ST6GALNAC3: variants seen among roughly 807,000 people sequenced by gnomAD.
ST6GALNAC3 encodes the protein alpha-N-acetylgalactosaminide alpha-2,6-sialyltransferase 3.
ST6GALNAC3 carries 25 observed loss-of-function variants against 32.7 expected under a neutral mutation model. That is an observed-to-expected ratio of 0.76 (90% CI 0.56 to 1.07). The LOEUF (loss-of-function observed/expected upper bound fraction) is 1.07. ST6GALNAC3 is among the 50% of genes least tolerant of loss of function. The pLI is 0.00. For synonymous variants in ST6GALNAC3, 129 were observed against 133.1 expected (o/e 0.97, Z 0.21); for missense variants, 355 against 382.4 (o/e 0.93, Z 0.60).
intron 2 of ST6GALNAC3, among the ~76,000 whole-genome samples, chr1:76,349,673 G>A (rs1309722897): frequency 1.3e-5 from 2 of 152,080 alleles, no homozygotes; most frequent in African/African-American, 4.8e-5. Flanking sequence ...ACTATTCTTT[G>A]ATTTATCAAC....
At chr1:76,483,650 A>G (rs1041607783) in intron 3 of ST6GALNAC3, among the ~76,000 whole-genome samples, 11 of 151,800 alleles carry the variant, frequency 7.2e-5, no homozygotes, top group Non-Finnish European at 1.6e-4. Flanking sequence ...GATTGCAAAA[A>G]TTTTCTTCCA....
intron 1 of ST6GALNAC3, among the ~76,000 whole-genome samples, chr1:76,144,639 C>G (rs973264313): frequency 6.6e-6 from 1 of 152,232 alleles, no homozygotes; most frequent in Non-Finnish European, 1.5e-5. Flanking sequence ...ATGCTAGCTT[C>G]TAATGCACTC....
chr1:76,590,164 C>T (rs564626673), intron 3 of ST6GALNAC3, among the ~76,000 whole-genome samples: 1 of 152,308 alleles, frequency 6.6e-6, no homozygotes, highest in Admixed American at 6.5e-5. Flanking sequence ...AACTGGGATC[C>T]ATAGATCTCT....
chr1:76,563,664 T>G (rs1030723032), intron 3 of ST6GALNAC3, among the ~76,000 whole-genome samples: 3 of 152,214 alleles, frequency 2.0e-5, no homozygotes, highest in Admixed American at 2.0e-4. Flanking sequence ...TTCACATATA[T>G]TGTCTTAATT....
At chr1:76,180,770 C>A (rs574146652) in intron 1 of ST6GALNAC3, among the ~76,000 whole-genome samples, 18 of 152,276 alleles carry the variant, frequency 1.2e-4, no homozygotes, top group African/African-American at 4.3e-4. Context: ...GGAAGATCAT[C>A]TTCCCATTCC....
At chr1:76,094,114 C>T (rs1205326061) in intron 1 of ST6GALNAC3, among the ~76,000 whole-genome samples, 1 of 152,102 alleles carries the variant, frequency 6.6e-6, no homozygotes, top group Non-Finnish European at 1.5e-5. Context: ...AGGCATCTGC[C>T]ACAGGAACAC....
intron 3 of ST6GALNAC3, among the ~76,000 whole-genome samples, chr1:76,511,039 G>A (rs1476745186): frequency 6.6e-6 from 1 of 152,026 alleles, no homozygotes; most frequent in African/African-American, 2.4e-5. Flanking sequence ...TGGTAAATTG[G>A]CTTCCCAGAT....
intron 2 of ST6GALNAC3, among the ~76,000 whole-genome samples, chr1:76,321,355 C>G (rs534072570): frequency 6.6e-6 from 1 of 152,256 alleles, no homozygotes; most frequent in East Asian, 1.9e-4. Context: ...AATGTGAAGA[C>G]CCAGACAACA....
intron 2 of ST6GALNAC3, among the ~76,000 whole-genome samples, chr1:76,404,972 CTTG>C (rs1653714019): frequency 6.6e-6 from 1 of 152,018 alleles, no homozygotes; most frequent in Non-Finnish European, 1.5e-5. Flanking sequence ...CTTGTTTTTA[CTTG>C]AGATAAGCAA....
intron 1 of ST6GALNAC3, among the ~76,000 whole-genome samples, chr1:76,259,139 G>A (rs188346281): frequency 6.6e-6 from 1 of 152,192 alleles, no homozygotes; most frequent in East Asian, 1.9e-4. Flanking sequence ...AAATGGTCAT[G>A]GTTTCTTTTA....
At chr1:76,430,746 T>C (rs1557880050) in intron 3 of ST6GALNAC3, among the ~76,000 whole-genome samples, 1 of 152,184 alleles carries the variant, frequency 6.6e-6, no homozygotes, top group Non-Finnish European at 1.5e-5. Flanking sequence ...TGGAAGCCCC[T>C]CAAGGCTGTT....
intron 3 of ST6GALNAC3, among the ~76,000 whole-genome samples, chr1:76,428,501 T>C (rs956182459): frequency 3.3e-5 from 5 of 152,092 alleles, no homozygotes; most frequent in Admixed American, 6.6e-5. Context: ...ATGAGCCTAC[T>C]TCATGGTTGT....
At chr1:76,528,568 G>A (rs1206004995) in intron 3 of ST6GALNAC3, among the ~76,000 whole-genome samples, 1 of 151,954 alleles carries the variant, frequency 6.6e-6, no homozygotes, top group Non-Finnish European at 1.5e-5. Context: ...TATGATTTTT[G>A]TGTCATTCTA....
chr1:76,556,033 G>A (rs369153918), intron 3 of ST6GALNAC3, among the ~76,000 whole-genome samples: 75 of 152,004 alleles, frequency 4.9e-4, no homozygotes, highest in East Asian at 3.7e-3. Flanking sequence ...CTACTCCCCC[G>A]TCCTCCTAAT....
intron 1 of ST6GALNAC3, among the ~76,000 whole-genome samples, chr1:76,206,853 A>C (rs1217561301): frequency 2.0e-5 from 3 of 152,202 alleles, no homozygotes; most frequent in Non-Finnish European, 4.4e-5. Context: ...CTTCCAGCAA[A>C]ACAACTCCAT....
intron 1 of ST6GALNAC3, among the ~76,000 whole-genome samples, chr1:76,183,883 T>C (rs1653359271): frequency 6.8e-6 from 1 of 147,048 alleles, no homozygotes; most frequent in African/African-American, 2.5e-5. Flanking sequence ...TGTATGTTAC[T>C]GAATATGTTA....
chr1:76,525,349 C>T (rs1435779833), intron 3 of ST6GALNAC3, among the ~76,000 whole-genome samples: 5 of 152,002 alleles, frequency 3.3e-5, no homozygotes, highest in Non-Finnish European at 5.9e-5. Context: ...AGAACTTCAA[C>T]AAGGAATGCT....
intron 2 of ST6GALNAC3, among the ~76,000 whole-genome samples, chr1:76,333,848 T>C (rs764993363): frequency 6.6e-6 from 1 of 152,200 alleles, no homozygotes; most frequent in Non-Finnish European, 1.5e-5. Context: ...TTTACATATA[T>C]GGACTCATTT....
chr1:76,158,079 A>C (rs1489601406), intron 1 of ST6GALNAC3, among the ~76,000 whole-genome samples: 1 of 152,166 alleles, frequency 6.6e-6, no homozygotes, highest in Non-Finnish European at 1.5e-5. Context: ...CCATCTGATA[A>C]ATATTTTCAC....
Sources: gnomAD v4.1 joint callset for allele counts (sites outside exome capture counted in the v4.1 genomes callset) on GRCh38, gnomAD v4.1.1 for gene constraint, MANE v1.5 for transcripts, NCBI Gene and HGNC (gene_info 2026-07-23, HGNC 2026-07-21) for gene names.